The following ABCD3 variants were observed in gnomAD, a reference collection of about 807,000 sequenced individuals.
The protein encoded by ABCD3 is ATP-binding cassette sub-family D member 3.
A neutral mutation model predicts 105.5 loss-of-function variants in ABCD3; 41 were observed. That is an observed-to-expected ratio of 0.39 (90% CI 0.30 to 0.50). The LOEUF (loss-of-function observed/expected upper bound fraction) is 0.50, where lower values mean the gene tolerates loss of function less well. ABCD3 is among the 20% of genes least tolerant of loss of function. The pLI is 0.84. For missense variants in ABCD3, 622 were observed against 806.3 expected (o/e 0.77, Z 2.77); for synonymous variants, 258 against 269.0 (o/e 0.96, Z 0.40).
intron 3 of ABCD3, among the ~76,000 whole-genome samples, chr1:94,466,244 CTT>C (rs1197406439): frequency 1.3e-5 from 2 of 152,142 alleles, no homozygotes; most frequent in African/African-American, 4.8e-5. Context: ...GGATCACACA[CTT>C]TTAAGATCTG....
At chr1:94,474,133 T>C (rs1570791966) in intron 5 of ABCD3, among the ~76,000 whole-genome samples, 1 of 150,146 alleles carries the variant, frequency 6.7e-6, no homozygotes, top group Non-Finnish European at 1.5e-5. Flanking sequence ...CTTCAGTGTT[T>C]AGCATCATCA....
intron 1 of ABCD3, chr1:94,419,223 G>T (rs1659156056): frequency 2.1e-6 from 2 of 937,060 alleles, no homozygotes; most frequent in African/African-American, 1.8e-5. Flanking sequence ...ACATTTGGTC[G>T]GTGGCATTTC....
At chr1:94,442,943 T>TTATA (rs963222807) in intron 1 of ABCD3, among the ~76,000 whole-genome samples, 1 of 151,974 alleles carries the variant, frequency 6.6e-6, no homozygotes, top group Non-Finnish European at 1.5e-5. Context: ...CAGGTATCTT[T>TTATA]TATATATATA....
intron 6 of ABCD3, 95 bp from the exon 7 acceptor site, chr1:94,475,519 T>G: frequency 7.5e-7 from 1 of 1,324,568 alleles, no homozygotes; most frequent in South Asian, 1.3e-5. Flanking sequence ...TTTGTTTCTA[T>G]GTATTTGAGC....
chr1:94,480,450 C>G lies in ABCD3; in HGVS notation c.685-14C>G. The G allele has an allele frequency of 6.2e-7, 1 of 1,613,622 alleles. No homozygotes were observed. The highest frequency in any genetic ancestry group is 8.5e-7 in the Non-Finnish European group (1 of 1,179,714). ...CCCAGAACTTTGTGTATCTTTCTCT[C>G]CCAATAATAATAGGGCCCAGCGAGC... On this transcript the variant is annotated splice_polypyrimidine_tract_variant and intron_variant, in intron 8 of 22. Coordinates refer to ENST00000370214, the MANE Select transcript of ABCD3 (RefSeq NM_002858.4).
At chr1:94,511,801 G>A (rs1409136042) in intron 21 of ABCD3, among the ~76,000 whole-genome samples, 1 of 151,954 alleles carries the variant, frequency 6.6e-6, no homozygotes, top group East Asian at 1.9e-4. Context: ...TGAGGCTTCT[G>A]CATTCTTCAC....
At chr1:94,406,446 GT>G in the ABCD3 span, 1 of 379,622 alleles carries the variant, frequency 2.6e-6, no homozygotes. Flanking sequence ...TTCCTTTCCA[GT>G]TTTTCTCACA....
intron 1 of ABCD3, among the ~76,000 whole-genome samples, chr1:94,426,940 G>T (rs1266202498): frequency 7.0e-6 from 1 of 143,542 alleles, no homozygotes; most frequent in Non-Finnish European, 1.5e-5. Flanking sequence ...GAAACTTTTT[G>T]ATCTGCACAA....
At chr1:94,393,702 G>A in the ABCD3 span, among the ~76,000 whole-genome samples, 1 of 151,946 alleles carries the variant, frequency 6.6e-6, no homozygotes. Context: ...CACACACAAA[G>A]TCAAATTCAG....
Position 94,418,511 on chromosome 1 carries a change from A to C in ABCD3, c.33A>C (p.Arg11=). The part of the protein sequence containing the change: MAAFSKYLTA[R]NSSLAGAAFL... Reference sequence around the variant, plus strand: ...CCTTCAGCAAGTACTTGACGGCGCGAAACTCCTCGCTGGCTGGTGCCGCGT... The same window carrying C: ...CCTTCAGCAAGTACTTGACGGCGCGCAACTCCTCGCTGGCTGGTGCCGCGT... Residue 11 remains arginine (R), a synonymous_variant, in exon 1 of 23, where the codon CGA becomes CGC. Transcript: ENST00000370214. 6.2e-7 allele frequency: 1 copy of C among 1,605,618 alleles called. No individual in the cohort carries two copies. The highest frequency in any genetic ancestry group is 8.5e-7 in the Non-Finnish European group (1 of 1,179,136).
chr1:94,481,936 A>T (rs567950118), intron 9 of ABCD3: 3 of 152,320 alleles, frequency 2.0e-5, no homozygotes, highest in African/African-American at 7.2e-5. Context: ...AGATAACTTT[A>T]CAAAAGTTGG....
chr1:94,450,301 A>ACATGTTGGGAACAGGCCCCC (rs1314525568), intron 1 of ABCD3, among the ~76,000 whole-genome samples: 1 of 152,106 alleles, frequency 6.6e-6, no homozygotes, highest in Non-Finnish European at 1.5e-5. Flanking sequence ...AATAAGGGGG[A>ACATGTTGGGAACAGGCCCCC]CATGTTGGGA....
chr1:94,458,976 C>G (rs930099830), intron 2 of ABCD3, among the ~76,000 whole-genome samples: 2 of 137,840 alleles, frequency 1.5e-5, no homozygotes, highest in African/African-American at 5.4e-5. Flanking sequence ...CCCTCCTCCA[C>G]CTCCCCTCTC....
chr1:94,483,529 A>C lies in ABCD3; in HGVS notation c.897+290A>C, dbSNP rs892970662. Among the ~76,000 whole-genome samples the C allele has an allele frequency of 2.0e-5, 3 of 152,318 alleles. No individual in the cohort carries two copies. In the East Asian group the frequency reaches 5.8e-4, roughly 29 times the overall value. ...CTGATCTTTGACAAACCTGACAAAA[A>C]CAAGAAATGAGGAAAGGATTCCCTG... On this transcript the variant is annotated intron_variant, in intron 10 of 22. Coordinates refer to ENST00000370214, the MANE Select transcript of ABCD3 (RefSeq NM_002858.4).
At chr1:94,515,049 T>G in intron 21 of ABCD3, 97 bp from the exon 22 acceptor site, 1 of 939,780 alleles carries the variant, frequency 1.1e-6, no homozygotes, top group Non-Finnish European at 1.7e-6. Flanking sequence ...TTAACTTTAG[T>G]CACTGAAGAC....
chr1:94,483,294 T>C lies in ABCD3; in HGVS notation c.897+55T>C, dbSNP rs558916131. ...TTATGGAAAGGGTTTTTTTTGTTTG[T>C]TTGTTTTGCCTATGGCCGACACACA... is the stretch of plus-strand genomic sequence containing the variant. On this transcript the variant is annotated intron_variant, in intron 10 of 22. Coordinates refer to ENST00000370214, the MANE Select transcript of ABCD3 (RefSeq NM_002858.4). The C allele has an allele frequency of 4.1e-4, 574 of 1,400,162 alleles. 1 individual carries two copies. Among genetic ancestry groups the C allele is most frequent in the Non-Finnish European group, 5.3e-4 (522 of 986,310 alleles). The allele number at this position is 1,400,162 out of a possible 1,614,324, so 86.7% of individuals were successfully genotyped here.
chr1:94,505,309 G>T (rs1235784026), intron 20 of ABCD3, among the ~76,000 whole-genome samples: 1 of 151,670 alleles, frequency 6.6e-6, no homozygotes, highest in African/African-American at 2.4e-5. Flanking sequence ...CTGGGCTCAA[G>T]CCCTCCTGTC....
intron 1 of ABCD3, among the ~76,000 whole-genome samples, chr1:94,428,615 A>G (rs1444478932): frequency 6.6e-6 from 1 of 152,150 alleles, no homozygotes; most frequent in Admixed American, 6.5e-5. Flanking sequence ...TGTTCTCGTG[A>G]TAGTGAACGG....
At chr1:94,410,676 C>G in the ABCD3 span, among the ~76,000 whole-genome samples, 1 of 152,186 alleles carries the variant, frequency 6.6e-6, no homozygotes, top group Non-Finnish European at 1.5e-5. Context: ...CCCAAAACTT[C>G]ATACCCCTTT....
Sources: allele counts gnomAD v4.1 joint callset (sites outside exome capture counted in the v4.1 genomes callset), GRCh38; gene constraint gnomAD v4.1.1; transcripts MANE v1.5; gene names NCBI Gene and HGNC (gene_info 2026-07-23, HGNC 2026-07-21).